The following CCL15 variants were observed in gnomAD, a reference collection of about 807,000 sequenced individuals.
CCL15 encodes C-C motif chemokine ligand 15.
In CCL15, 8 loss-of-function variants were observed where a neutral mutation model predicts 10.6. That is an observed-to-expected ratio of 0.75 (90% confidence interval 0.44 to 1.36). The LOEUF (loss-of-function observed/expected upper bound fraction) is 1.36, where lower values mean the gene tolerates loss of function less well. CCL15 is among the 40% of genes most tolerant of loss of function. The pLI is 0.00. For synonymous variants in CCL15, 51 were observed against 48.8 expected (o/e 1.04, Z -0.19); for missense variants, 128 against 136.6 (o/e 0.94, Z 0.32).
chr17:35,998,670 G>C (rs1414795180), intron 2 of CCL15, among the ~76,000 whole-genome samples, 196 bp downstream of exon 2: 1 of 152,214 alleles, frequency 6.6e-6, no homozygotes, highest in Non-Finnish European at 1.5e-5. Context: ...GCAGGCTCTT[G>C]GGGCAGCCAG....
rs1389698426 is a variant in CCL15, at chr17:35,998,280, A to C, written c.248T>G (p.Ile83Arg). ...TSSECSKPGV[I>R]FLTKKGRQVC... ...CATGGTTGGTGAGCTTGGCACTTACATGACACCTGGCTTGGAGCACTCGCT... is the reference window on the plus strand; with the variant it reads ...CATGGTTGGTGAGCTTGGCACTTACCTGACACCTGGCTTGGAGCACTCGCT... The change falls in exon 3 of 4, where the codon ATA becomes AGA. Residue 83 changes from isoleucine to arginine, a missense_variant and splice_region_variant. Coordinates refer to ENST00000617897, the MANE Select transcript of CCL15 (RefSeq NM_032965.6). 1 of 1,607,616 alleles carries C rather than the reference A, an allele frequency of 6.2e-7. No individual in the cohort carries two copies. The highest frequency in any genetic ancestry group is 1.3e-5 in the African/African-American group (1 of 74,894).
At chr17:36,000,462 CAAA>C (rs71157588) in intron 1 of CCL15, among the ~76,000 whole-genome samples, 5 of 49,086 alleles carry the variant, frequency 1.0e-4, no homozygotes, top group African/African-American at 3.5e-4. Context: ...AACTCCATCT[CAAA>C]AAAAAAAAAA....
chr17:36,001,427 C>G lies in CCL15; in HGVS notation c.66G>C (p.Gln22His). The change falls in exon 1 of 4, where the codon CAG (glutamine) becomes CAC (histidine). Residue 22 changes from glutamine to histidine, a missense_variant. Coordinates refer to ENST00000617897, the MANE Select transcript of CCL15 (RefSeq NM_032965.6). ...GCTCACTGGACTCACCATTTGTGAA[C>G]TGGGCCTGGGATCCAAGGACAGCAA... ...MLVAVLGSQA[Q>H]FTNDAETELM... 1 of 1,614,142 alleles carries G rather than the reference C, an allele frequency of 6.2e-7. No individual in the cohort carries two copies. The highest frequency in any genetic ancestry group is 8.5e-7 in the Non-Finnish European group (1 of 1,180,018).
At chr17:35,998,643 C>A (rs1202714655) in intron 2 of CCL15, among the ~76,000 whole-genome samples, 1 of 152,220 alleles carries the variant, frequency 6.6e-6, no homozygotes, top group African/African-American at 2.4e-5. Context: ...TCAGAGAGCA[C>A]CTTCTTCTCC....
At chr17:35,999,312 A>G (rs1317246448) in intron 1 of CCL15, among the ~76,000 whole-genome samples, 1 of 152,180 alleles carries the variant, frequency 6.6e-6, no homozygotes, top group African/African-American at 2.4e-5. Context: ...GTGGCACAGT[A>G]TCCCCTTAAG....
chr17:35,997,919 GC>G, intron 3 of CCL15, 59 bp from the exon 4 acceptor site: 1 of 1,271,156 alleles, frequency 7.9e-7, no homozygotes. Context: ...GAGACAGGGG[GC>G]CCCATCCTCC....
At chr17:35,999,017 G>T in intron 1 of CCL15, 92 bp from the exon 2 acceptor site, 1 of 1,049,366 alleles carries the variant, frequency 9.5e-7, no homozygotes, top group Non-Finnish European at 1.5e-6. Flanking sequence ...TCCTCCTGAG[G>T]CAGAGAGGCT....
intron 2 of CCL15, 52 bp from the exon 3 acceptor site, chr17:35,998,443 C>T (rs1268480897): frequency 1.6e-6 from 2 of 1,257,184 alleles, no homozygotes; most frequent in Admixed American, 1.8e-5. Context: ...CTCGAAAGCA[C>T]AGTGGAGGGT....
chr17:36,001,089 A>C (rs1470757069), intron 1 of CCL15, among the ~76,000 whole-genome samples: 1 of 152,342 alleles, frequency 6.6e-6, no homozygotes, highest in East Asian at 1.9e-4. Context: ...TAGCAGTTCT[A>C]GCACCATAAA....
chr17:35,999,973 A>C (rs575996752), intron 1 of CCL15, among the ~76,000 whole-genome samples: 1 of 148,516 alleles, frequency 6.7e-6, no homozygotes, highest in Non-Finnish European at 1.5e-5. Context: ...AACATGGTGA[A>C]ACCCCATCTC....
In CCL15 at chr17:36,001,427, C is replaced by CCATTTG; in HGVS notation, c.65_66insCAAATG (p.Gln22delinsHisLysTrp). The CCATTTG allele has an allele frequency of 1.2e-6, 2 of 1,614,142 alleles. No individual in the cohort carries two copies. The highest frequency in any genetic ancestry group is 1.7e-6 in the Non-Finnish European group (2 of 1,180,018). ...GCTCACTGGACTCACCATTTGTGAA[C>CCATTTG]TGGGCCTGGGATCCAAGGACAGCAA... On this transcript the variant is annotated protein_altering_variant, in exon 1 of 4. Transcript: ENST00000617897.
intron 1 of CCL15, among the ~76,000 whole-genome samples, chr17:35,999,139 A>C (rs1462423046): frequency 6.6e-6 from 1 of 152,090 alleles, no homozygotes; most frequent in Non-Finnish European, 1.5e-5. Context: ...AGACATGAAA[A>C]CTTTGTATTG....
In CCL15 at chr17:35,998,280, A is replaced by G. The variant is rs1389698426; in HGVS notation, c.248T>C (p.Ile83Thr). Reference sequence around the variant, plus strand: ...CATGGTTGGTGAGCTTGGCACTTACATGACACCTGGCTTGGAGCACTCGCT... The same window carrying G: ...CATGGTTGGTGAGCTTGGCACTTACGTGACACCTGGCTTGGAGCACTCGCT... ...TSSECSKPGVIFLTKKGRQVC... is the reference protein window; with the variant it reads ...TSSECSKPGVTFLTKKGRQVC... Residue 83 changes from isoleucine (I) to threonine (T), a missense_variant and splice_region_variant, in exon 3 of 4, where the codon ATA (isoleucine) becomes ACA (threonine). By Grantham distance (89) the Ile-to-Thr change is moderately conservative (BLOSUM62 -1). Transcript: ENST00000617897. 4 of 1,607,498 alleles carry G rather than the reference A, an allele frequency of 2.5e-6. No homozygotes were observed. The highest frequency in any genetic ancestry group is 3.4e-6 in the Non-Finnish European group (4 of 1,174,242).
chr17:35,998,750 C>G (rs41476146), intron 2 of CCL15, 116 bp downstream of exon 2: 133 of 869,144 alleles, frequency 1.5e-4, no homozygotes, highest in Non-Finnish European at 2.3e-4. Flanking sequence ...GAGATATTCA[C>G]CACCCTCAGG....
chr17:35,999,836 T>C (rs1281634463), intron 1 of CCL15, among the ~76,000 whole-genome samples: 1 of 152,088 alleles, frequency 6.6e-6, no homozygotes, highest in East Asian at 1.9e-4. Flanking sequence ...TGATAAGGGA[T>C]TGCATACCTG....
intron 1 of CCL15, among the ~76,000 whole-genome samples, chr17:36,000,338 C>A (rs570725645): frequency 1.3e-5 from 2 of 151,526 alleles, no homozygotes; most frequent in African/African-American, 4.8e-5. Context: ...GTGGCGCATG[C>A]CTTAATCCCA....
At position 35,997,952 on chromosome 17, in the gene CCL15, C is replaced by G. The variant is rs189131169; in HGVS notation, c.249-92G>C. ...CTCCCTGCTCCTCAGATTTCCCAGT[C>G]AACACAGCCTGTTTTTTCCTTTCTC... On this transcript the variant is annotated intron_variant, in intron 3 of 3. Transcript: ENST00000617897. 1,605 of 831,944 alleles carry G rather than the reference C, an allele frequency of 1.9e-3. 14 individuals carry two copies. The highest frequency in any genetic ancestry group is 0.012 in the Middle Eastern group (38 of 3,130). The allele number at this position is 831,944 out of a possible 1,614,324, so 51.5% of individuals were successfully genotyped here.
chr17:36,000,736 A>G (rs1293580765), intron 1 of CCL15, among the ~76,000 whole-genome samples: 1 of 151,688 alleles, frequency 6.6e-6, no homozygotes, highest in East Asian at 1.9e-4. Context: ...CCAGCCCTAA[A>G]GTGTATGCTC....
intron 1 of CCL15, 49 bp from the exon 2 acceptor site, chr17:35,998,974 T>G (rs1485883261): frequency 6.9e-7 from 1 of 1,456,366 alleles, no homozygotes; most frequent in Non-Finnish European, 9.6e-7. Flanking sequence ...CAGCAGTATG[T>G]TTCAACATCT....
Sources: gnomAD v4.1 joint callset for allele counts (sites outside exome capture counted in the v4.1 genomes callset) on GRCh38, gnomAD v4.1.1 for gene constraint, MANE v1.5 for transcripts, NCBI Gene and HGNC (gene_info 2026-07-23, HGNC 2026-07-21) for gene names.